LAMA3: variants seen among roughly 807,000 people sequenced by gnomAD.
The protein encoded by LAMA3 is laminin subunit alpha 3.
LAMA3 carries 281 observed loss-of-function variants against 402.0 expected under a neutral mutation model. That is an observed-to-expected ratio of 0.70 (90% CI 0.63 to 0.77). The LOEUF is 0.77. Ranked by LOEUF, LAMA3 falls within the 30% of genes least tolerant of loss-of-function variation. LAMA3 has a pLI of 0.00. For synonymous variants in LAMA3, 1,431 were observed against 1,558.4 expected (o/e 0.92, Z 1.93); for missense variants, 3,840 against 4,215.5 (o/e 0.91, Z 2.47).
intron 39 of LAMA3, among the ~76,000 whole-genome samples, chr18:23,878,552 G>A (rs2064798262): frequency 1.3e-5 from 2 of 152,198 alleles, no homozygotes; most frequent in South Asian, 2.1e-4. Flanking sequence ...TAACGGCTCC[G>A]TGGCAAGTCC....
chr18:23,809,114 T>G (rs2063019208), intron 12 of LAMA3, among the ~76,000 whole-genome samples: 1 of 152,210 alleles, frequency 6.6e-6, no homozygotes, highest in Non-Finnish European at 1.5e-5. Context: ...ATAATAATGT[T>G]AATAAGTGTG....
In LAMA3 at chr18:23,714,029, G is replaced by A; in HGVS notation, c.404G>A (p.Gly135Asp). ...TGGCAAAGCCCTCCCCTGTCCTCAG[G>A]CACACAGTACAACAGAGTCAACCTC... ...RWWQSPPLSS[G>D]TQYNRVNLTL... Residue 135 changes from glycine (G) to aspartate (D), a missense_variant, in exon 2 of 75, where the codon GGC (glycine) becomes GAC (aspartate). Transcript: ENST00000313654. The A allele has an allele frequency of 1.9e-6, 3 of 1,613,822 alleles. No homozygotes were observed. The highest frequency in any genetic ancestry group is 2.5e-6 in the Non-Finnish European group (3 of 1,179,956).
chr18:23,949,752 T>G lies in LAMA3; in HGVS notation c.9352-13T>G. ...TGTAGGTAATGAGCTTTTTCTTTTC[T>G]GCTTGGTTGCAGAGCCTCCCCACAA... On this transcript the variant is annotated splice_polypyrimidine_tract_variant and intron_variant, in intron 70 of 74. Transcript: ENST00000313654. 6.2e-7 allele frequency: 1 copy of G among 1,613,728 alleles called. No homozygotes were observed. The highest frequency in any genetic ancestry group is 8.5e-7 in the Non-Finnish European group (1 of 1,179,932).
chr18:23,762,171 A>T (rs1277428198), intron 7 of LAMA3, among the ~76,000 whole-genome samples: 2 of 151,796 alleles, frequency 1.3e-5, no homozygotes, highest in Non-Finnish European at 2.9e-5. Flanking sequence ...AGCCGTGACC[A>T]CACCACTACA....
At chr18:23,780,943 A>C (rs2062424935) in intron 11 of LAMA3, among the ~76,000 whole-genome samples, 2 of 152,242 alleles carry the variant, frequency 1.3e-5, no homozygotes, top group Non-Finnish European at 2.9e-5. Context: ...ATGAATTAGA[A>C]GGAGCAAGAT....
chr18:23,732,040 G>A (rs2061403223), intron 2 of LAMA3, among the ~76,000 whole-genome samples: 1 of 152,208 alleles, frequency 6.6e-6, no homozygotes, highest in South Asian at 2.1e-4. Flanking sequence ...TGATTCTGAT[G>A]GAACAAGGGT....
At position 23,928,182 on chromosome 18, in the gene LAMA3, G is replaced by T. The variant is rs1163616757; in HGVS notation, c.8237G>T (p.Gly2746Val). Reference protein sequence around the residue: ...GCMKNLKKTSGVVRLNDTVGV... With the variant: ...GCMKNLKKTSVVVRLNDTVGV... ...ATGAAAAATTTGAAGAAAACCAGTG[G>T]TGTCGTTAGATTGAATGATACTGTG... The change falls in exon 63 of 75, where the codon GGT becomes GTT. Residue 2746 changes from glycine (G) to valine (V), a missense_variant. Transcript: ENST00000313654. 1 of 1,614,156 alleles carries T rather than the reference G, an allele frequency of 6.2e-7. No homozygotes were observed. Among genetic ancestry groups the T allele is most frequent in the East Asian group, 2.2e-5 (1 of 44,888 alleles).
At chr18:23,711,274 G>A (rs2060984517) in intron 1 of LAMA3, among the ~76,000 whole-genome samples, 1 of 152,142 alleles carries the variant, frequency 6.6e-6, no homozygotes, top group Non-Finnish European at 1.5e-5. Flanking sequence ...TTTTAAATAT[G>A]TGCTTTCAAA....
rs2082927317 is a variant in LAMA3 at position 23,951,870 on chromosome 18, T to G, written c.9736+93T>G. ...CCCAAAGGCAGCCTCAGCCCCTCCA[T>G]CCACAGTGCCTGACCAGGGCCAGCC... is the stretch of plus-strand genomic sequence containing the variant. On this transcript the variant is annotated intron_variant, in intron 73 of 74. Transcript: ENST00000313654. 17 of 958,600 alleles carry G rather than the reference T, an allele frequency of 1.8e-5. No individual in the cohort carries two copies. The South Asian group carries it at 2.4e-4, about 13-fold the overall frequency. 59.4% of individuals were successfully genotyped at this position (958,600 alleles called of 1,614,324 possible). A position where few individuals can be genotyped will look rare whatever the true frequency, so the allele number is the denominator to read the frequency against.
At chr18:23,703,210 G>A (rs999121846) in intron 1 of LAMA3, among the ~76,000 whole-genome samples, 11 of 152,158 alleles carry the variant, frequency 7.2e-5, no homozygotes, top group South Asian at 2.1e-4. Flanking sequence ...GTCCAGAAGC[G>A]TCTGCATTTC....
chr18:23,758,346 C>A (rs369678340), intron 6 of LAMA3, 50 bp from the exon 7 acceptor site: 2 of 1,387,900 alleles, frequency 1.4e-6, no homozygotes, highest in Non-Finnish European at 2.0e-6. Flanking sequence ...ATCAACTGAT[C>A]CTCATCAAAA....
intron 12 of LAMA3, among the ~76,000 whole-genome samples, chr18:23,806,316 T>C (rs2062961637): frequency 6.6e-6 from 1 of 152,204 alleles, no homozygotes; most frequent in South Asian, 2.1e-4. Flanking sequence ...TCTGTTTAAA[T>C]TGGAAAAATC....
intron 44 of LAMA3, 36 bp from the exon 45 acceptor site, chr18:23,898,702 A>G (rs761845344): frequency 2.7e-6 from 3 of 1,128,486 alleles, no homozygotes; most frequent in South Asian, 1.2e-5. Context: ...TAGTCTTTAT[A>G]CTGTAAAGTG....
chr18:23,906,507 T>C (rs2081254195), intron 52 of LAMA3, among the ~76,000 whole-genome samples: 3 of 152,194 alleles, frequency 2.0e-5, no homozygotes, highest in Admixed American at 2.0e-4. Flanking sequence ...CTGTTTCTTG[T>C]GTTTCTCCAG....
chr18:23,863,424 G>A (rs772965229), intron 35 of LAMA3, among the ~76,000 whole-genome samples: 7 of 152,206 alleles, frequency 4.6e-5, no homozygotes, highest in African/African-American at 7.2e-5. Context: ...CAGCCTGGGC[G>A]ACAGAGCGAG....
intron 2 of LAMA3, among the ~76,000 whole-genome samples, chr18:23,731,821 C>G (rs1298024556): frequency 6.6e-6 from 1 of 152,174 alleles, no homozygotes; most frequent in Non-Finnish European, 1.5e-5. Context: ...TGCTCACTAC[C>G]TGGATGATGG....
chr18:23,751,052 C>T lies in LAMA3; in HGVS notation c.819C>T (p.Ile273=), dbSNP rs1340626998. 6.2e-7 allele frequency: 1 copy of T among 1,614,128 alleles called. No individual in the cohort carries two copies. The highest frequency in any genetic ancestry group is 1.1e-5 in the South Asian group (1 of 91,088). ...CCAATACGCTTCTTGGACACCTCATCTCCAAAGCCCAGCGAGATCCAACTG... is the reference window on the plus strand; with the variant it reads ...CCAATACGCTTCTTGGACACCTCATTTCCAAAGCCCAGCGAGATCCAACTG... ...LRTNTLLGHL[I]SKAQRDPTVT... Residue 273 remains isoleucine (I), a synonymous_variant, in exon 5 of 75, where the codon ATC becomes ATT. Coordinates refer to ENST00000313654, the MANE Select transcript of LAMA3 (RefSeq NM_198129.4).
intron 60 of LAMA3, among the ~76,000 whole-genome samples, chr18:23,919,774 C>T (rs1306433554): frequency 3.3e-5 from 5 of 151,468 alleles, no homozygotes; most frequent in Admixed American, 1.3e-4. Context: ...TGCCACGCAG[C>T]ATCTGGTAGG....
chr18:23,859,669 C>G (rs1324136297), intron 34 of LAMA3, among the ~76,000 whole-genome samples: 1 of 152,180 alleles, frequency 6.6e-6, no homozygotes, highest in Non-Finnish European at 1.5e-5. Flanking sequence ...TTAGGGCGCA[C>G]CATCCTCCTG....
Sources: gnomAD v4.1 joint callset for allele counts (sites outside exome capture counted in the v4.1 genomes callset) on GRCh38, gnomAD v4.1.1 for gene constraint, MANE v1.5 for transcripts, NCBI Gene and HGNC (gene_info 2026-07-23, HGNC 2026-07-21) for gene names.